Variants in AGMO observed in about 807,000 individuals in gnomAD.
The protein encoded by AGMO is alkylglycerol monooxygenase, also known as glyceryl-ether monooxygenase.
A neutral mutation model predicts 60.2 loss-of-function variants in AGMO; 75 were observed. That is an observed-to-expected ratio of 1.25 (90% confidence interval 1.03 to 1.51). The LOEUF is 1.51. Ranked by LOEUF, AGMO falls within the 40% of genes most tolerant of loss-of-function variation. The pLI, the probability that AGMO is intolerant of heterozygous loss-of-function variation, is 0.00. For missense variants in AGMO, 763 were observed against 525.5 expected (o/e 1.45, Z -4.42); for synonymous variants, 261 against 177.1 (o/e 1.47, Z -3.76).
intron 12 of AGMO, among the ~76,000 whole-genome samples, chr7:15,344,204 T>C (rs2128550879): frequency 6.6e-6 from 1 of 152,292 alleles, no homozygotes; most frequent in African/African-American, 2.4e-5. Context: ...CACTCAACAA[T>C]ATTTGTTGAA....
chr7:15,451,729 G>T (rs544333524), intron 3 of AGMO, among the ~76,000 whole-genome samples: 17 of 152,238 alleles, frequency 1.1e-4, no homozygotes, highest in African/African-American at 4.1e-4. Context: ...GTTTAATTGA[G>T]TTATGAATGA....
intron 12 of AGMO, among the ~76,000 whole-genome samples, chr7:15,266,995 A>G (rs1011445949): frequency 6.6e-6 from 1 of 152,008 alleles, no homozygotes; most frequent in African/African-American, 2.4e-5. Context: ...ACTTTTGCCA[A>G]AATGGCCACT....
intron 12 of AGMO, among the ~76,000 whole-genome samples, chr7:15,332,775 G>A (rs907448469): frequency 6.6e-6 from 1 of 151,720 alleles, no homozygotes; most frequent in African/African-American, 2.4e-5. Flanking sequence ...TATCAAAATG[G>A]CTTATATTTA....
chr7:15,320,671 C>A (rs1370780155), intron 12 of AGMO, among the ~76,000 whole-genome samples: 2 of 151,798 alleles, frequency 1.3e-5, no homozygotes, highest in African/African-American at 2.4e-5. Flanking sequence ...CCTGTCTTTC[C>A]TGGGATATAA....
chr7:15,449,899 CACTT>C (rs1489288755), intron 3 of AGMO, among the ~76,000 whole-genome samples: 3 of 152,228 alleles, frequency 2.0e-5, no homozygotes, highest in African/African-American at 7.2e-5. Context: ...ATTTGAACAT[CACTT>C]GTTTTAAATA....
chr7:15,350,566 G>T (rs1415994734), intron 12 of AGMO, among the ~76,000 whole-genome samples: 1 of 152,226 alleles, frequency 6.6e-6, no homozygotes, highest in South Asian at 2.1e-4. Flanking sequence ...TTGAGAGTCA[G>T]AGAGAGTAGA....
At chr7:15,361,585 T>TGC (rs1310319333) in intron 12 of AGMO, among the ~76,000 whole-genome samples, 2 of 143,702 alleles carry the variant, frequency 1.4e-5, no homozygotes. Flanking sequence ...AGGACATCTA[T>TGC]GCTCATTAAA....
intron 3 of AGMO, among the ~76,000 whole-genome samples, chr7:15,530,254 C>T (rs1480196952): frequency 5.1e-5 from 1 of 19,796 alleles, no homozygotes; most frequent in East Asian, 5.4e-3. Flanking sequence ...TACGTATTTC[C>T]ATATAGATAT....
intron 3 of AGMO, among the ~76,000 whole-genome samples, chr7:15,448,611 ATTT>A (rs11330514): frequency 0.18 from 24,033 of 131,246 alleles, 2,146 homozygotes; most frequent in African/African-American, 0.28. Context: ...ATAAAGTTTA[ATTT>A]TTTTTTTTTT....
At chr7:15,328,521 G>A (rs1781413518) in intron 12 of AGMO, among the ~76,000 whole-genome samples, 2 of 152,108 alleles carry the variant, frequency 1.3e-5, no homozygotes, top group East Asian at 1.9e-4. Context: ...TTTCTGAGAG[G>A]GAAGTACAGG....
chr7:15,394,590 G>A (rs746949684), intron 5 of AGMO, among the ~76,000 whole-genome samples: 4 of 152,144 alleles, frequency 2.6e-5, no homozygotes, highest in Non-Finnish European at 4.4e-5. Context: ...CTATCACCAA[G>A]GCACACTACC....
intron 3 of AGMO, among the ~76,000 whole-genome samples, chr7:15,518,259 C>A (rs1238499141): frequency 6.6e-6 from 1 of 152,184 alleles, no homozygotes. Context: ...CAGACTTAAA[C>A]ATTCCTGCCT....
intron 12 of AGMO, among the ~76,000 whole-genome samples, chr7:15,347,341 A>G (rs1782070648): frequency 6.6e-6 from 1 of 152,072 alleles, no homozygotes; most frequent in South Asian, 2.1e-4. Flanking sequence ...CAAACTAGAT[A>G]ATTAGGTTTC....
intron 3 of AGMO, among the ~76,000 whole-genome samples, chr7:15,464,949 G>A (rs1327945644): frequency 1.3e-5 from 2 of 152,144 alleles, no homozygotes; most frequent in African/African-American, 4.8e-5. Flanking sequence ...TGTTCACTGC[G>A]ACTAGCAAGC....
chr7:15,124,754 C>T, the AGMO span, among the ~76,000 whole-genome samples: 1 of 151,944 alleles, frequency 6.6e-6, no homozygotes, highest in Non-Finnish European at 1.5e-5. Context: ...ATCAATTAAC[C>T]ACTTCTCAGG....
At chr7:15,395,846 A>C (rs1469844390) in intron 5 of AGMO, among the ~76,000 whole-genome samples, 7 of 152,188 alleles carry the variant, frequency 4.6e-5, no homozygotes, top group Admixed American at 4.6e-4. Context: ...GTTTTTTGAC[A>C]ACCTCTGGCA....
intron 4 of AGMO, among the ~76,000 whole-genome samples, chr7:15,426,637 T>A (rs1368207529): frequency 6.6e-6 from 1 of 152,014 alleles, no homozygotes; most frequent in Non-Finnish European, 1.5e-5. Context: ...TAATCCCAGC[T>A]ACTCAGGAGG....
intron 12 of AGMO, among the ~76,000 whole-genome samples, chr7:15,225,348 T>C (rs1366167330): frequency 6.6e-6 from 1 of 152,046 alleles, no homozygotes; most frequent in African/African-American, 2.4e-5. Flanking sequence ...AGTTAATCTT[T>C]GTATTTTCTT....
At chr7:15,418,394 G>T (rs576432998) in intron 5 of AGMO, among the ~76,000 whole-genome samples, 164 bp downstream of exon 5, 23 of 151,900 alleles carry the variant, frequency 1.5e-4, no homozygotes, top group Non-Finnish European at 3.1e-4. Context: ...TATAAACTTT[G>T]CAATATATAT....
Sources: allele counts gnomAD v4.1 joint callset (sites outside exome capture counted in the v4.1 genomes callset), GRCh38; gene constraint gnomAD v4.1.1; transcripts MANE v1.5; gene names NCBI Gene and HGNC (gene_info 2026-07-23, HGNC 2026-07-21).